The following YWHAE variants were observed in gnomAD, a reference collection of about 807,000 sequenced individuals.
YWHAE encodes the protein 14-3-3 protein epsilon.
A neutral mutation model predicts 30.1 loss-of-function variants in YWHAE; 4 were observed. The observed-to-expected ratio is 0.13, with a 90% CI of 0.07 to 0.30. The LOEUF (loss-of-function observed/expected upper bound fraction) is 0.30. Ranked by LOEUF, YWHAE falls within the 10% of genes least tolerant of loss-of-function variation. YWHAE has a pLI of 1.00. For synonymous variants in YWHAE, 118 were observed against 111.8 expected, an observed-to-expected ratio of 1.06 and a Z score of -0.35; for missense variants, 121 against 315.9, an observed-to-expected ratio of 0.38 and a Z score of 4.68.
At chr17:1,396,457 C>T (rs2073473220) in intron 1 of YWHAE, among the ~76,000 whole-genome samples, 1 of 152,078 alleles carries the variant, frequency 6.6e-6, no homozygotes, top group Non-Finnish European at 1.5e-5. Context: ...AAGTAAATGA[C>T]TCAACAGATG....
chr17:1,396,591 T>A, intron 1 of YWHAE, among the ~76,000 whole-genome samples: 1 of 152,162 alleles, frequency 6.6e-6, no homozygotes, highest in East Asian at 1.9e-4. Flanking sequence ...AAATGTAGTT[T>A]ATGTTACCCC....
intron 5 of YWHAE, among the ~76,000 whole-genome samples, chr17:1,350,080 G>A (rs1244076419): frequency 1.3e-5 from 2 of 151,498 alleles, no homozygotes. Flanking sequence ...AGCCTCCCCA[G>A]TAGCTAGGAT....
intron 1 of YWHAE, among the ~76,000 whole-genome samples, chr17:1,394,221 G>A (rs981085418): frequency 6.6e-6 from 1 of 151,940 alleles, no homozygotes; most frequent in African/African-American, 2.4e-5. Context: ...CCAGAAAATG[G>A]GAGTAACGCT....
intron 4 of YWHAE, among the ~76,000 whole-genome samples, chr17:1,356,215 C>CACACACACAAA (rs1320076580): frequency 3.7e-5 from 5 of 135,552 alleles, no homozygotes; most frequent in African/African-American, 1.4e-4. Flanking sequence ...CACACACACA[C>CACACACACAAA]AAAATTAGCC....
chr17:1,387,772 G>A (rs978427975), intron 1 of YWHAE, among the ~76,000 whole-genome samples: 6 of 151,442 alleles, frequency 4.0e-5, no homozygotes, highest in African/African-American at 7.3e-5. Flanking sequence ...ACAAGCGCAC[G>A]CCACCACGCC....
At chr17:1,358,451 C>T (rs990910639) in intron 4 of YWHAE, among the ~76,000 whole-genome samples, 2 of 151,808 alleles carry the variant, frequency 1.3e-5, no homozygotes, top group African/African-American at 2.4e-5. Flanking sequence ...ACGTTAGCCA[C>T]GATGGTCTCG....
intron 1 of YWHAE, among the ~76,000 whole-genome samples, chr17:1,365,432 AT>A (rs1331013319): frequency 6.6e-6 from 1 of 152,226 alleles, no homozygotes; most frequent in Admixed American, 6.5e-5. Flanking sequence ...TCTAAAATGT[AT>A]TGTCTCACAA....
At chr17:1,371,340 C>T (rs990286381) in intron 1 of YWHAE, among the ~76,000 whole-genome samples, 3 of 152,140 alleles carry the variant, frequency 2.0e-5, no homozygotes, top group Admixed American at 1.3e-4. Flanking sequence ...CCATCTCGGC[C>T]TCCCAAAGTG....
chr17:1,374,086 TG>T (rs1741225459), intron 1 of YWHAE, among the ~76,000 whole-genome samples: 1 of 152,120 alleles, frequency 6.6e-6, no homozygotes, highest in Admixed American at 6.6e-5. Context: ...GGGAGGCAGG[TG>T]GATTACCTGA....
At chr17:1,385,682 C>T (rs1195936096) in intron 1 of YWHAE, among the ~76,000 whole-genome samples, 1 of 152,098 alleles carries the variant, frequency 6.6e-6, no homozygotes, top group African/African-American at 2.4e-5. Context: ...GTGGCCTGCT[C>T]CTGAATTTAA....
intron 1 of YWHAE, 60 bp downstream of exon 1, chr17:1,399,987 C>T (rs1377956302): frequency 6.2e-7 from 1 of 1,602,486 alleles, no homozygotes; most frequent in Admixed American, 1.7e-5. Context: ...TGTTCCCGGC[C>T]TCTGTGGGCG....
In YWHAE at chr17:1,350,623, G is replaced by A. The variant is rs188387001; in HGVS notation, c.715+3588C>T. ...CACCTGGCTAATTTTTGTATTTGTA[G>A]TAGAGACGGGGTTTCTCCATGTTGG... On this transcript the variant is annotated intron_variant, in intron 5 of 5. Transcript: ENST00000264335. Among the ~76,000 whole-genome samples, 755 of 151,416 alleles carry A rather than the reference G, an allele frequency of 5.0e-3. 7 individuals are homozygous for A. The highest frequency in any genetic ancestry group is 0.017 in the African/African-American group (712 of 41,310).
intron 1 of YWHAE, among the ~76,000 whole-genome samples, chr17:1,389,485 C>T (rs990930718): frequency 1.3e-5 from 2 of 151,918 alleles, no homozygotes; most frequent in Non-Finnish European, 2.9e-5. Context: ...CTTAAGTAAT[C>T]TGAGATGGCT....
At chr17:1,390,491 T>G (rs1442233896) in intron 1 of YWHAE, among the ~76,000 whole-genome samples, 1 of 152,192 alleles carries the variant, frequency 6.6e-6, no homozygotes, top group Non-Finnish European at 1.5e-5. Flanking sequence ...TCACATTAGA[T>G]AAGAATGTTT....
At chr17:1,361,424 T>G in intron 3 of YWHAE, 126 bp from the exon 4 acceptor site, 1 of 703,456 alleles carries the variant, frequency 1.4e-6, no homozygotes, top group Middle Eastern at 3.8e-4. Context: ...CAATTAGGTG[T>G]ACTTCAATAA....
intron 1 of YWHAE, among the ~76,000 whole-genome samples, chr17:1,398,021 A>T (rs1567990828): frequency 6.6e-6 from 1 of 152,204 alleles, no homozygotes; most frequent in Non-Finnish European, 1.5e-5. Flanking sequence ...ACTAACCTGT[A>T]CTTTATTTGG....
chr17:1,364,174 A>C (rs953774030), intron 2 of YWHAE, among the ~76,000 whole-genome samples: 2 of 151,548 alleles, frequency 1.3e-5, no homozygotes, highest in African/African-American at 4.8e-5. Flanking sequence ...AATAATCCTC[A>C]GGGAAAAAAA....
At chr17:1,370,874 CCTG>C (rs1193610427) in intron 1 of YWHAE, among the ~76,000 whole-genome samples, 1 of 152,024 alleles carries the variant, frequency 6.6e-6, no homozygotes, top group Non-Finnish European at 1.5e-5. Context: ...GTGGCGGGCG[CCTG>C]TAGTCCCAGC....
At chr17:1,364,101 A>G (rs12103746) in intron 2 of YWHAE, among the ~76,000 whole-genome samples, 63,024 of 151,952 alleles carry the variant, frequency 0.41, 13,305 homozygotes, top group Admixed American at 0.56. Flanking sequence ...TTTTAACAAG[A>G]CCTACAATAA....
Sources: gnomAD v4.1 joint callset for allele counts (sites outside exome capture counted in the v4.1 genomes callset) on GRCh38, gnomAD v4.1.1 for gene constraint, MANE v1.5 for transcripts, NCBI Gene and HGNC (gene_info 2026-07-23, HGNC 2026-07-21) for gene names.